MZT2A: variants seen among roughly 807,000 people sequenced by gnomAD.
MZT2A encodes the protein mitotic-spindle organizing protein 2A.
MZT2A carries 8 observed loss-of-function variants against 12.4 expected under a neutral mutation model. The observed-to-expected ratio is 0.64, with a 90% CI of 0.38 to 1.16. The LOEUF (loss-of-function observed/expected upper bound fraction) is 1.16. MZT2A is among the 50% of genes most tolerant of loss of function. MZT2A has a pLI of 0.01. For synonymous variants in MZT2A, 88 were observed against 107.5 expected (o/e 0.82, Z 1.12); for missense variants, 181 against 223.6 (o/e 0.81, Z 1.22).
chr2:131,470,550 C>T (rs896826530), intron 3 of MZT2A, among the ~76,000 whole-genome samples: 1 of 152,174 alleles, frequency 6.6e-6, no homozygotes, highest in Admixed American at 6.5e-5. Flanking sequence ...CACCTGGGCT[C>T]AGGTGCTGAG....
chr2:131,490,701 A>G (rs199918544), intron 2 of MZT2A: 4 of 1,549,632 alleles, frequency 2.6e-6, no homozygotes, highest in Non-Finnish European at 3.5e-6. Flanking sequence ...GAGATAAGCC[A>G]ATAAACGCAA....
chr2:131,491,083 G>A (rs1679277055), intron 2 of MZT2A: 2 of 894,704 alleles, frequency 2.2e-6, no homozygotes, highest in East Asian at 5.3e-5. Flanking sequence ...CTTCCAGGCA[G>A]GGAGCCAGCT....
At chr2:131,484,395 C>T (rs1345503528) in intron 2 of MZT2A, among the ~76,000 whole-genome samples, 177 bp from the exon 3 acceptor site, 3 of 152,234 alleles carry the variant, frequency 2.0e-5, no homozygotes, top group Admixed American at 2.0e-4. Flanking sequence ...AGACAGGTCA[C>T]GCCCCAGAAG....
Position 131,492,342 on chromosome 2 carries a change from G to T in MZT2A, c.35C>A (p.Ser12Ter). 6.7e-7 allele frequency: 1 copy of T among 1,501,784 alleles called. No individual in the cohort carries two copies. The highest frequency in any genetic ancestry group is 8.8e-7 in the Non-Finnish European group (1 of 1,134,060). 93.0% of individuals were successfully genotyped at this position (1,501,784 alleles called of 1,614,324 possible). A position where few individuals can be genotyped will look rare whatever the true frequency, so the allele number is the denominator to read the frequency against. Residue 12 changes from serine to a stop codon, truncating the protein, a stop_gained, in exon 1 of 3, where the codon TCG becomes TAG. Coordinates refer to ENST00000309451, the MANE Select transcript of MZT2A (RefSeq NM_001085365.2). LOFTEE classifies it high-confidence loss of function. ...AAQGVGPGPGSAAPPGLEAAR... is the reference protein window; with the variant it reads ...AAQGVGPGPG ...CGCCTCCAGCCCCGGGGGCGCCGCCGACCCCGGCCCAGGCCCTACGCCCTG... is the reference window on the plus strand; with the variant it reads ...CGCCTCCAGCCCCGGGGGCGCCGCCTACCCCGGCCCAGGCCCTACGCCCTG...
rs950192530 is a variant in MZT2A, at chr2:131,492,362, G to C, written c.15C>G (p.Gly5=). 5.3e-5 allele frequency: 72 copies of C among 1,353,986 alleles called. 1 individual carries two copies. Among genetic ancestry groups the C allele is most frequent in the Non-Finnish European group, 6.4e-5 (68 of 1,063,288 alleles). The allele number at this position is 1,353,986 out of a possible 1,614,324, so 83.9% of individuals were successfully genotyped here. A position where few individuals can be genotyped will look rare whatever the true frequency, so the allele number is the denominator to read the frequency against. ...CCGCCGACCCCGGCCCAGGCCCTACGCCCTGCGCCGCCATCCGCGAGGCCC... is the reference window on the plus strand; with the variant it reads ...CCGCCGACCCCGGCCCAGGCCCTACCCCCTGCGCCGCCATCCGCGAGGCCC... MAAQ[G]VGPGPGSAAP... is the part of the protein sequence containing the mutation. Residue 5 remains glycine (G), a synonymous_variant, in exon 1 of 3, where the codon GGC becomes GGG. Coordinates refer to ENST00000309451, the MANE Select transcript of MZT2A (RefSeq NM_001085365.2).
downstream of MZT2A, among the ~76,000 whole-genome samples, chr2:131,483,469 T>C (rs1349152769): frequency 6.6e-6 from 1 of 152,162 alleles, no homozygotes; most frequent in Non-Finnish European, 1.5e-5. Context: ...CCCTCAGCAC[T>C]GTCAACTGTC....
exon 4 of MZT2A, chr2:131,470,323 C>G: frequency 8.1e-7 from 1 of 1,228,546 alleles, no homozygotes; most frequent in Non-Finnish European, 1.1e-6. Context: ...ATTTCAATGT[C>G]TCTGAAGCTT....
intron 2 of MZT2A, among the ~76,000 whole-genome samples, chr2:131,488,414 T>C (rs568546789): frequency 6.6e-6 from 1 of 152,174 alleles, no homozygotes; most frequent in African/African-American, 2.4e-5. Context: ...GGGACAGGCA[T>C]CCAGAGGACC....
chr2:131,486,852 G>T (rs1042887274), intron 2 of MZT2A, among the ~76,000 whole-genome samples: 30 of 152,152 alleles, frequency 2.0e-4, no homozygotes, highest in Non-Finnish European at 3.5e-4. Flanking sequence ...CAACATAACC[G>T]TAAGCCATAA....
chr2:131,486,038 G>A (rs1335284740), intron 2 of MZT2A, among the ~76,000 whole-genome samples: 1 of 151,134 alleles, frequency 6.6e-6, no homozygotes, highest in African/African-American at 2.5e-5. Flanking sequence ...TGGTGGTGAG[G>A]GTTACAGCGG....
chr2:131,478,399 G>A, intron 2 of MZT2A: 2 of 1,598,658 alleles, frequency 1.3e-6, no homozygotes, highest in East Asian at 2.2e-5. Context: ...AGGTGCCTGG[G>A]CACTGGATGG....
At chr2:131,479,906 G>A (rs1004723294), downstream of MZT2A, among the ~76,000 whole-genome samples, 6 of 152,170 alleles carry the variant, frequency 3.9e-5, no homozygotes, top group African/African-American at 1.4e-4. Flanking sequence ...TGATTTGTCC[G>A]TAGATCTTTG....
chr2:131,475,660 T>A lies in MZT2A; in HGVS notation c.279-3478A>T, dbSNP rs1360302827. 4.6e-5 allele frequency among the ~76,000 whole-genome samples: 7 copies of A among 152,178 alleles called. No individual in the cohort carries two copies. The East Asian group carries it at 9.7e-4, about 21-fold the overall frequency. On this transcript the variant is annotated intron_variant and NMD_transcript_variant, in intron 2 of 4. Coordinates refer to the MZT2A transcript ENST00000427024. ...TTCTCCTTTTGGGTCACAAAAGTGA[T>A]TGAATCCTGCCACTTCCCAGGTGCT...
rs868352461 is a variant in MZT2A, at chr2:131,491,224, C to T, written c.319+652G>A. ...ATGACACTCTCAGTCCCAGCATCTCCTCAGCCCAGTCACCACACTGGAGAG... is the reference window on the plus strand; with the variant it reads ...ATGACACTCTCAGTCCCAGCATCTCTTCAGCCCAGTCACCACACTGGAGAG... On this transcript the variant is annotated intron_variant, in intron 2 of 2. Transcript: ENST00000309451. 1.4e-4 allele frequency: 58 copies of T among 417,578 alleles called. 1 individual carries two copies. In the Middle Eastern group the frequency reaches 4.4e-3, roughly 32 times the overall value. The allele number at this position is 417,578 out of a possible 1,614,324, so 25.9% of individuals were successfully genotyped here.
rs1044442680 is a variant in MZT2A, at chr2:131,476,517, T to C, written c.279-4335A>G. Among the ~76,000 whole-genome samples the C allele has an allele frequency of 4.5e-4, 68 of 152,184 alleles. 1 individual carries two copies. Among genetic ancestry groups the C allele is most frequent in the Admixed American group, 2.3e-3 (35 of 15,284 alleles). ...GCGCTGCTCCCGCTTCACACGTCTT[T>C]GTGCTACTCGAAACAACTGAGGAGC... On this transcript the variant is annotated intron_variant and NMD_transcript_variant, in intron 2 of 4. Coordinates refer to the MZT2A transcript ENST00000427024.
Position 131,492,333 on chromosome 2 carries a change from G to A in MZT2A, c.44C>T (p.Pro15Leu), listed in dbSNP as rs1455322327. 1.2e-5 allele frequency: 18 copies of A among 1,508,762 alleles called. No individual in the cohort carries two copies. The highest frequency in any genetic ancestry group is 2.6e-5 in the East Asian group (1 of 38,240). The allele number at this position is 1,508,762 out of a possible 1,614,324, so 93.5% of individuals were successfully genotyped here. A position where few individuals can be genotyped will look rare whatever the true frequency, so the allele number is the denominator to read the frequency against. The change falls in exon 1 of 3, where the codon CCC becomes CTC. Residue 15 changes from proline (P) to leucine (L), a missense_variant. Transcript: ENST00000309451. ...CTGCCGGGCCGCCTCCAGCCCCGGGGGCGCCGCCGACCCCGGCCCAGGCCC... is the reference window on the plus strand; with the variant it reads ...CTGCCGGGCCGCCTCCAGCCCCGGGAGCGCCGCCGACCCCGGCCCAGGCCC... ...GVGPGPGSAA[P>L]PGLEAARQKL...
upstream of MZT2A, chr2:131,492,552 G>A (rs2104745776): frequency 8.8e-7 from 1 of 1,136,082 alleles, no homozygotes; most frequent in Non-Finnish European, 1.1e-6. Flanking sequence ...GTTAGTGGGC[G>A]CTCACGGTGT....
chr2:131,493,014 AG>A (rs1679413849), upstream of MZT2A: 3 of 1,493,030 alleles, frequency 2.0e-6, no homozygotes, highest in South Asian at 2.5e-5. Flanking sequence ...CGGCCCAAAG[AG>A]GTAGAAGCGC....
chr2:131,482,918 G>T, downstream of MZT2A: 1 of 1,567,076 alleles, frequency 6.4e-7, no homozygotes, highest in Non-Finnish European at 8.6e-7. Flanking sequence ...GCAATTAAAG[G>T]TTCTGTATAA....
Sources: allele counts gnomAD v4.1 joint callset (sites outside exome capture counted in the v4.1 genomes callset), GRCh38; gene constraint gnomAD v4.1.1; transcripts MANE v1.5; gene names NCBI Gene and HGNC (gene_info 2026-07-23, HGNC 2026-07-21).